The following SPTB variants were observed in gnomAD, a reference collection of about 807,000 sequenced individuals.
SPTB encodes the protein spectrin beta chain, erythrocytic.
In SPTB, 45 loss-of-function variants were observed where a neutral mutation model predicts 256.2. The observed-to-expected ratio is 0.18, with a 90% CI of 0.14 to 0.23. The LOEUF (loss-of-function observed/expected upper bound fraction) is 0.23. Among genes scored for constraint, SPTB ranks in the 10% least tolerant of loss-of-function variants. The pLI is 1.00. For synonymous variants in SPTB, 1,231 were observed against 1,243.1 expected (o/e 0.99, Z 0.21); for missense variants, 2,715 against 3,040.4 (o/e 0.89, Z 2.52).
chr14:64,861,852 G>A (rs1038416233), intron 1 of SPTB, among the ~76,000 whole-genome samples: 1 of 152,174 alleles, frequency 6.6e-6, no homozygotes, highest in African/African-American at 2.4e-5. Context: ...TCCGACGTTA[G>A]ACACGATTAA....
intron 15 of SPTB, among the ~76,000 whole-genome samples, chr14:64,787,446 A>G (rs1320500036): frequency 1.3e-5 from 2 of 152,248 alleles, no homozygotes; most frequent in African/African-American, 4.8e-5. Context: ...AGCAAAGTCT[A>G]TGCATGTAGT....
chr14:64,871,213 G>A (rs976168042), intron 1 of SPTB, among the ~76,000 whole-genome samples: 7 of 152,178 alleles, frequency 4.6e-5, no homozygotes, highest in African/African-American at 1.7e-4. Context: ...AGATTACTGT[G>A]GAGTGGAGTG....
chr14:64,860,511 T>A (rs924674850), intron 1 of SPTB, among the ~76,000 whole-genome samples: 1 of 152,094 alleles, frequency 6.6e-6, no homozygotes, highest in African/African-American at 2.4e-5. Context: ...GTCTGTGTTT[T>A]TTTTTTTATA....
At chr14:64,817,049 A>G (rs2083204817) in intron 2 of SPTB, among the ~76,000 whole-genome samples, 1 of 152,244 alleles carries the variant, frequency 6.6e-6, no homozygotes, top group Admixed American at 6.5e-5. Context: ...CTTCACAATG[A>G]TAGATAGCAG....
At position 64,803,652 on chromosome 14, in the gene SPTB, G is replaced by T. The variant is rs1158489255; in HGVS notation, c.429C>A (p.His143Gln). ...MGSHDIVDGNHRLVLGLIWTI... is the reference protein window; with the variant it reads ...MGSHDIVDGNQRLVLGLIWTI... ...TCCAGATGAGGCCCAGGACCAGGCG[G>T]TGGTTGCCATCTACAATGTCGTGGG... Residue 143 changes from histidine to glutamine, a missense_variant, in exon 4 of 36, where the codon CAC (histidine) becomes CAA (glutamine). Physicochemically the swap from His to Gln is conservative, Grantham distance 24. Around this residue, in one of 4 missense-constraint regions of SPTB, gnomAD observed 416 missense variants for 571.1 expected, o/e 0.73. Transcript: ENST00000644917. The T allele has an allele frequency of 1.9e-6, 3 of 1,614,086 alleles. No homozygotes were observed. In the African/African-American group the frequency reaches 4.0e-5, roughly 22 times the overall value.
chr14:64,763,723 G>C (rs1431021897), intron 32 of SPTB: 1 of 518,686 alleles, frequency 1.9e-6, no homozygotes, highest in East Asian at 5.4e-5. Context: ...CGTGAGTGAG[G>C]TCTTGTTTCT....
rs1400097815 is a variant in SPTB at position 64,795,756 on chromosome 14, A to G, written c.1342-117T>C. 1 of 1,065,360 alleles carries G rather than the reference A, an allele frequency of 9.4e-7. No homozygotes were observed. The highest frequency in any genetic ancestry group is 1.4e-6 in the Non-Finnish European group (1 of 711,816). The allele number at this position is 1,065,360 out of a possible 1,614,324, so 66.0% of individuals were successfully genotyped here. On this transcript the variant is annotated intron_variant, in intron 11 of 35. Transcript: ENST00000644917. This position sits in a 1 kb window ranked among gnomAD's most constrained non-coding sequence, Gnocchi z 6.5. ...TGCTAGATGGGAAAGCACATTCCCA[A>G]GAAGCAGCTAGTTCTGCCTTACTTT...
Position 64,796,516 on chromosome 14 carries a change from A to C in SPTB, c.1341+41T>G, listed in dbSNP as rs749444673. ...CAGCCAAGAGCTGGGGGCTCTGAAGAATGTCCCCTCTCCTGTCACCCAAAG... is the reference window on the plus strand; with the variant it reads ...CAGCCAAGAGCTGGGGGCTCTGAAGCATGTCCCCTCTCCTGTCACCCAAAG... On this transcript the variant is annotated intron_variant, in intron 11 of 35. Transcript: ENST00000644917. This position sits in a 1 kb window ranked among gnomAD's most constrained non-coding sequence, Gnocchi z 4.1. 1.5e-5 allele frequency: 24 copies of C among 1,613,556 alleles called. No individual in the cohort carries two copies. In the South Asian group the frequency reaches 2.5e-4, roughly 17 times the overall value.
Position 64,767,709 on chromosome 14 carries a change from G to A in SPTB, c.6173C>T (p.Thr2058Met), listed in dbSNP as rs756849461. 15 of 1,614,046 alleles carry A rather than the reference G, an allele frequency of 9.3e-6. No homozygotes were observed. Among genetic ancestry groups the A allele is most frequent in the Middle Eastern group, 1.6e-4 (1 of 6,082 alleles). Residue 2058 changes from threonine (T) to methionine (M), a missense_variant, in exon 30 of 36, where the codon ACG becomes ATG. Thr to Met is a moderately conservative substitution (Grantham distance 81). Around this residue, in one of 4 missense-constraint regions of SPTB, gnomAD observed 2,239 missense variants for 2,384.4 expected, o/e 0.94. Coordinates refer to ENST00000644917, the MANE Select transcript of SPTB (RefSeq NM_001355436.2). Reference protein sequence around the residue: ...IKRHEAFEKSTASWAERFAAL... With the variant: ...IKRHEAFEKSMASWAERFAAL... ...AGCAAAGCGCTCTGCCCAGCTGGCCGTGGACTTCTCAAAAGCCTCATGCCT... is the reference window on the plus strand; with the variant it reads ...AGCAAAGCGCTCTGCCCAGCTGGCCATGGACTTCTCAAAAGCCTCATGCCT...
At chr14:64,757,326 A>G (rs2082028668) in intron 32 of SPTB, 1 of 152,196 alleles carries the variant, frequency 6.6e-6, no homozygotes, top group African/African-American at 2.4e-5. Flanking sequence ...CTGAAAATAG[A>G]GATGGATTTT....
chr14:64,770,745 T>C, intron 27 of SPTB, 140 bp downstream of exon 27: 5 of 1,365,706 alleles, frequency 3.7e-6, no homozygotes, highest in Non-Finnish European at 5.1e-6. Flanking sequence ...GCCTCAGGCC[T>C]CAAGTGTCCC....
Position 64,847,867 on chromosome 14 carries a change from G to A in SPTB, c.-51-24722C>T, listed in dbSNP as rs115400529. The stretch of plus-strand genomic sequence containing the variant: ...GTGCCCCCCACCGCAAACCCCATCC[G>A]GAGTGAGACAAAGGGAGGCACTCCA... On this transcript the variant is annotated intron_variant, in intron 1 of 35. Coordinates refer to ENST00000644917, the MANE Select transcript of SPTB (RefSeq NM_001355436.2). This position sits in a 1 kb window ranked among gnomAD's most constrained non-coding sequence, Gnocchi z 5.9. 2.0e-3 allele frequency among the ~76,000 whole-genome samples: 308 copies of A among 152,174 alleles called. 1 individual carries two copies. The highest frequency in any genetic ancestry group is 7.3e-3 in the African/African-American group (305 of 41,528).
intron 1 of SPTB, among the ~76,000 whole-genome samples, chr14:64,878,889 T>C (rs1738844883): frequency 2.0e-5 from 3 of 151,278 alleles, no homozygotes; most frequent in South Asian, 4.2e-4. Context: ...CTGAAAACAG[T>C]GGTTTGGATA....
chr14:64,755,345 G>A (rs1193177873), intron 32 of SPTB: 1 of 152,228 alleles, frequency 6.6e-6, no homozygotes, highest in East Asian at 1.9e-4. Context: ...TGCCTGAGGT[G>A]GCCTTAGGAA....
At chr14:64,784,112 A>G in intron 19 of SPTB, 135 bp downstream of exon 19, 1 of 1,338,028 alleles carries the variant, frequency 7.5e-7, no homozygotes, top group Non-Finnish European at 1.0e-6. Flanking sequence ...TTTAGCTACT[A>G]TTTAGAAAAG....
chr14:64,851,058 C>A (rs1023962601), intron 1 of SPTB, among the ~76,000 whole-genome samples: 1 of 152,206 alleles, frequency 6.6e-6, no homozygotes, highest in African/African-American at 2.4e-5. Context: ...CCAGAGAGAC[C>A]CACTGCTTGC....
At chr14:64,762,679 C>A (rs2082111327) in intron 32 of SPTB, among the ~76,000 whole-genome samples, 1 of 152,242 alleles carries the variant, frequency 6.6e-6, no homozygotes, top group Non-Finnish European at 1.5e-5. Flanking sequence ...GCTGGCTGCA[C>A]AGGCAGTGCT....
chr14:64,772,613 G>A lies in SPTB; in HGVS notation c.5520C>T (p.Ala1840=), dbSNP rs1465440914. ...TAESFHRVHT[A]FERELHLLGV... ...CCAGCAGGTGGAGCTCCCGCTCGAA[G>A]GCTGTGTGCACCCGGTGGAAGGACT... The change falls in exon 26 of 36, where the codon GCC becomes GCT. Residue 1840 remains alanine, a synonymous_variant. Transcript: ENST00000644917. This position sits in a 1 kb window ranked among gnomAD's most constrained non-coding sequence, Gnocchi z 5.4. The A allele has an allele frequency of 6.2e-7, 1 of 1,611,918 alleles. No individual in the cohort carries two copies.
intron 1 of SPTB, among the ~76,000 whole-genome samples, chr14:64,869,583 T>C (rs1210910468): frequency 1.3e-5 from 2 of 151,368 alleles, no homozygotes; most frequent in Admixed American, 6.6e-5. Context: ...CAGCTGGGAC[T>C]ACAGGTGTGA....
Sources: gnomAD v4.1 joint callset for allele counts (sites outside exome capture counted in the v4.1 genomes callset) on GRCh38, gnomAD v4.1.1 for gene constraint, gnomAD v4.1.1 regional missense constraint, Gnocchi (gnomAD v3.1) non-coding constraint, MANE v1.5 for transcripts, NCBI Gene and HGNC (gene_info 2026-07-23, HGNC 2026-07-21) for gene names.